The following ROBO1 variants were observed in gnomAD, a reference collection of about 807,000 sequenced individuals.
ROBO1 encodes roundabout homolog 1.
Under a neutral mutation model 195.9 loss-of-function variants are expected in ROBO1, and 149 were observed. The ratio of observed to expected loss-of-function variants is 0.76; its 90% CI spans 0.67 to 0.87. The LOEUF (loss-of-function observed/expected upper bound fraction) is 0.87, where lower values mean the gene tolerates loss of function less well. ROBO1 is among the 40% of genes least tolerant of loss of function. The pLI, the probability that ROBO1 is intolerant of heterozygous loss-of-function variation, is 0.00. For missense variants in ROBO1, 1,933 were observed against 2,068.3 expected (o/e 0.93, Z 1.27); for synonymous variants, 816 against 733.2 (o/e 1.11, Z -1.82).
intron 3 of ROBO1, among the ~76,000 whole-genome samples, chr3:79,065,780 A>C (rs1158640245): frequency 6.6e-6 from 1 of 151,972 alleles, no homozygotes; most frequent in Non-Finnish European, 1.5e-5. Context: ...AAAATTAGTT[A>C]GATAAAAGGC....
At chr3:78,757,832 T>C (rs1390650662) in intron 4 of ROBO1, among the ~76,000 whole-genome samples, 1 of 152,210 alleles carries the variant, frequency 6.6e-6, no homozygotes, top group Non-Finnish European at 1.5e-5. Context: ...GATCTTTAAT[T>C]GGTGACAGTC....
chr3:78,836,666 T>A (rs2032761521), intron 4 of ROBO1, among the ~76,000 whole-genome samples: 1 of 152,124 alleles, frequency 6.6e-6, no homozygotes, highest in Non-Finnish European at 1.5e-5. Flanking sequence ...AACCATTTAC[T>A]TTGTATTAAT....
rs535636344 is a variant in ROBO1 at position 78,968,594 on chromosome 3, T to C, written c.173-29667A>G. On this transcript the variant is annotated intron_variant, in intron 3 of 30. Transcript: ENST00000464233. ...AAATAGATATTTTAAAATGATCAAC[T>C]CTTTGGTCTCCAAAAAGAAAAAAAA... is the stretch of plus-strand genomic sequence containing the variant. Among the ~76,000 whole-genome samples the C allele has an allele frequency of 2.6e-5, 4 of 151,694 alleles. No individual in the cohort carries two copies. In the East Asian group the frequency reaches 7.7e-4, roughly 29 times the overall value.
chr3:79,333,678 A>G (rs1349273509), intron 2 of ROBO1, among the ~76,000 whole-genome samples: 1 of 152,138 alleles, frequency 6.6e-6, no homozygotes, highest in East Asian at 1.9e-4. Flanking sequence ...CACAGATCTC[A>G]GACATTTCCC....
At chr3:78,800,856 A>C (rs1191228693) in intron 4 of ROBO1, among the ~76,000 whole-genome samples, 1 of 152,118 alleles carries the variant, frequency 6.6e-6, no homozygotes, top group African/African-American at 2.4e-5. Context: ...GAGCCACCAC[A>C]CCTGGCCTAA....
intron 2 of ROBO1, among the ~76,000 whole-genome samples, chr3:79,203,013 C>G (rs1340675364): frequency 1.3e-5 from 2 of 151,520 alleles, no homozygotes; most frequent in East Asian, 1.9e-4. Context: ...GCTTTAGTTC[C>G]TCGAGGGGAA....
At chr3:79,136,930 C>T (rs2080421058) in intron 2 of ROBO1, among the ~76,000 whole-genome samples, 2 of 151,992 alleles carry the variant, frequency 1.3e-5, no homozygotes, top group South Asian at 4.1e-4. Context: ...CTGAAGAAAT[C>T]TATGTACTGT....
At chr3:79,757,513 A>ATATATATATG (rs1704472501) in intron 1 of ROBO1, among the ~76,000 whole-genome samples, 1 of 150,234 alleles carries the variant, frequency 6.7e-6, no homozygotes. Context: ...CTCTCTCCAT[A>ATATATATATG]TATATATATG....
chr3:78,662,762 T>C (rs1453579057), intron 14 of ROBO1, among the ~76,000 whole-genome samples: 1 of 152,166 alleles, frequency 6.6e-6, no homozygotes, highest in Non-Finnish European at 1.5e-5. Context: ...GATGATCCTT[T>C]AGTTTAGTTA....
At chr3:78,904,467 A>G (rs944491979) in intron 4 of ROBO1, among the ~76,000 whole-genome samples, 2 of 152,070 alleles carry the variant, frequency 1.3e-5, no homozygotes, top group African/African-American at 4.8e-5. Context: ...ATCCCTGGCA[A>G]AGATGTAACT....
intron 4 of ROBO1, among the ~76,000 whole-genome samples, chr3:78,849,870 A>ACACACACACT (rs1559922116): frequency 1.3e-5 from 2 of 150,618 alleles, no homozygotes; most frequent in African/African-American, 4.9e-5. Context: ...ACACACACAC[A>ACACACACACT]CTCTTATAGT....
intron 4 of ROBO1, among the ~76,000 whole-genome samples, chr3:78,835,051 A>G (rs9841731): frequency 0.035 from 5,343 of 152,228 alleles, 316 homozygotes; most frequent in African/African-American, 0.12. Flanking sequence ...ACGGACTTTC[A>G]TAACAGAGGG....
intron 1 of ROBO1, among the ~76,000 whole-genome samples, chr3:79,643,533 T>C (rs1461107380): frequency 6.6e-6 from 1 of 152,114 alleles, no homozygotes; most frequent in East Asian, 1.9e-4. Context: ...AATTAGACAA[T>C]ACCAAGTCAA....
At chr3:79,193,102 G>A (rs1197058374) in intron 2 of ROBO1, among the ~76,000 whole-genome samples, 4 of 151,678 alleles carry the variant, frequency 2.6e-5, no homozygotes, top group Non-Finnish European at 4.4e-5. Flanking sequence ...AAGACTAGGA[G>A]TTTCAGGTTT....
chr3:78,823,269 C>T (rs561154655), intron 4 of ROBO1, among the ~76,000 whole-genome samples: 2 of 150,506 alleles, frequency 1.3e-5, no homozygotes, highest in Admixed American at 1.3e-4. Context: ...TCTGCGATGC[C>T]TTTGTGCCTT....
chr3:79,267,388 A>G (rs1216516717), intron 2 of ROBO1, among the ~76,000 whole-genome samples: 2 of 151,498 alleles, frequency 1.3e-5, no homozygotes, highest in Non-Finnish European at 3.0e-5. Flanking sequence ...TAAATTACTT[A>G]AATTCAGTCA....
intron 3 of ROBO1, among the ~76,000 whole-genome samples, chr3:78,960,793 C>A (rs113918329): frequency 0.029 from 3,361 of 116,838 alleles, 110 homozygotes; most frequent in African/African-American, 0.11. Context: ...CACACACACA[C>A]ACACACACAC....
intron 2 of ROBO1, among the ~76,000 whole-genome samples, chr3:79,137,339 A>G (rs912193898): frequency 1.3e-5 from 2 of 152,018 alleles, no homozygotes. Flanking sequence ...AATGGAGAGT[A>G]GGTAATTTTA....
intron 2 of ROBO1, among the ~76,000 whole-genome samples, chr3:79,396,148 A>G (rs1190469465): frequency 6.6e-6 from 1 of 152,156 alleles, no homozygotes; most frequent in African/African-American, 2.4e-5. Flanking sequence ...ATCTGAATGC[A>G]GGGGCTTTAA....
Sources: gnomAD v4.1 joint callset for allele counts (sites outside exome capture counted in the v4.1 genomes callset) on GRCh38, gnomAD v4.1.1 for gene constraint, MANE v1.5 for transcripts, NCBI Gene and HGNC (gene_info 2026-07-23, HGNC 2026-07-21) for gene names.